Variants in UCK2 observed in about 807,000 individuals in gnomAD.
UCK2 encodes uridine-cytidine kinase 2, also known as cytidine monophosphokinase 2.
Under a neutral mutation model 30.8 loss-of-function variants are expected in UCK2, and 6 were observed. The observed-to-expected ratio is 0.19, with a 90% CI of 0.11 to 0.38. The LOEUF is 0.38. Among genes scored for constraint, UCK2 ranks in the 10% least tolerant of loss-of-function variants. UCK2 has a pLI of 1.00. For synonymous variants in UCK2, 125 were observed against 133.6 expected (o/e 0.94, Z 0.45); for missense variants, 210 against 339.8 (o/e 0.62, Z 3.00).
intron 1 of UCK2, among the ~76,000 whole-genome samples, chr1:165,857,430 C>T (rs766926792): frequency 2.6e-5 from 4 of 152,126 alleles, no homozygotes; most frequent in South Asian, 2.1e-4. Context: ...AGTGCAGTTG[C>T]GTAAGTGGCA....
Position 165,908,114 on chromosome 1 carries a change from T to C in UCK2, c.*291T>C. On this transcript the variant is annotated 3_prime_UTR_variant, in exon 7 of 7. Coordinates refer to ENST00000367879, the MANE Select transcript of UCK2 (RefSeq NM_012474.5). The stretch of plus-strand genomic sequence containing the variant: ...ACATATATATATAAAAAAGGATCTA[T>C]TTTTGTGTAAATGTACAAATACTGT... The C allele has an allele frequency of 4.2e-6, 1 of 240,322 alleles. No homozygotes were observed. The highest frequency in any genetic ancestry group is 8.1e-6 in the Non-Finnish European group (1 of 124,052). 14.9% of individuals were successfully genotyped at this position (240,322 alleles called of 1,614,324 possible). A position where few individuals can be genotyped will look rare whatever the true frequency, so the allele number is the denominator to read the frequency against.
chr1:165,895,355 A>G (rs1557848100), intron 3 of UCK2: 2 of 417,696 alleles, frequency 4.8e-6, no homozygotes, highest in Non-Finnish European at 6.4e-6. Flanking sequence ...TTGAGGCTGC[A>G]GTGAGTCCAA....
rs568794840 is a variant in UCK2, at chr1:165,840,468, A to G, written c.99+12536A>G. On this transcript the variant is annotated intron_variant, in intron 1 of 6. Coordinates refer to ENST00000367879, the MANE Select transcript of UCK2 (RefSeq NM_012474.5). ...TTGACCATAGTCAGCATGTGGTGCA[A>G]TCGATCCCTTGAACTTGTCCCTCCA... Among the ~76,000 whole-genome samples the G allele has an allele frequency of 2.0e-4, 31 of 152,310 alleles. 1 individual carries two copies. The highest frequency in any genetic ancestry group is 7.2e-4 in the African/African-American group (30 of 41,576).
intron 1 of UCK2, among the ~76,000 whole-genome samples, chr1:165,851,143 A>G (rs985383017): frequency 2.6e-5 from 4 of 151,774 alleles, no homozygotes; most frequent in African/African-American, 9.7e-5. Flanking sequence ...TCCCCCTGTT[A>G]TCTCTGTCTT....
intron 1 of UCK2, among the ~76,000 whole-genome samples, chr1:165,849,768 T>A (rs1341474628): frequency 6.6e-6 from 1 of 152,128 alleles, no homozygotes; most frequent in Non-Finnish European, 1.5e-5. Flanking sequence ...AGAAGCTCAT[T>A]TTAGGCAGGA....
At chr1:165,888,157 T>G (rs1655667575) in intron 1 of UCK2, among the ~76,000 whole-genome samples, 1 of 152,234 alleles carries the variant, frequency 6.6e-6, no homozygotes, top group Admixed American at 6.5e-5. Context: ...GAATTGTAAC[T>G]TTAAAAGATT....
chr1:165,838,319 C>T (rs1021983527), intron 1 of UCK2, among the ~76,000 whole-genome samples: 1 of 152,196 alleles, frequency 6.6e-6, no homozygotes, highest in Non-Finnish European at 1.5e-5. Context: ...CCTGCAGTGG[C>T]TTCCCATTTT....
chr1:165,838,575 T>G (rs16851444), intron 1 of UCK2, among the ~76,000 whole-genome samples: 14,623 of 152,220 alleles, frequency 0.096, 727 homozygotes, highest in Middle Eastern at 0.12. Flanking sequence ...CTTCTAATAC[T>G]AGTTTTAACA....
At chr1:165,904,949 A>G (rs1035242810) in intron 5 of UCK2, among the ~76,000 whole-genome samples, 1 of 152,266 alleles carries the variant, frequency 6.6e-6, no homozygotes. Context: ...AAATTGGGTA[A>G]TAATAGAACC....
At chr1:165,863,946 G>GT (rs1433023691) in intron 1 of UCK2, among the ~76,000 whole-genome samples, 2 of 152,198 alleles carry the variant, frequency 1.3e-5, no homozygotes, top group South Asian at 4.1e-4. Flanking sequence ...AAGTCATGTA[G>GT]TTTTTTAGTA....
chr1:165,855,199 A>T (rs556560456), intron 1 of UCK2, among the ~76,000 whole-genome samples: 1 of 152,336 alleles, frequency 6.6e-6, no homozygotes, highest in East Asian at 1.9e-4. Flanking sequence ...CTTTAGAATG[A>T]CATAGATTGT....
chr1:165,880,563 G>T (rs76624047), intron 1 of UCK2, among the ~76,000 whole-genome samples: 66 of 5,872 alleles, frequency 0.011, no homozygotes, highest in South Asian at 0.1. Context: ...AGTTTTTTTT[G>T]GGGGTGTGTG....
At chr1:165,849,827 A>G (rs1654544264) in intron 1 of UCK2, among the ~76,000 whole-genome samples, 1 of 152,124 alleles carries the variant, frequency 6.6e-6, no homozygotes, top group Non-Finnish European at 1.5e-5. Context: ...TGCTCAAGGT[A>G]GTTTTCTTTT....
chr1:165,896,095 C>T (rs1248956666), intron 3 of UCK2, 95 bp from the exon 4 acceptor site: 9 of 1,534,586 alleles, frequency 5.9e-6, no homozygotes, highest in Non-Finnish European at 8.0e-6. Context: ...GGCAAGGAAC[C>T]CAGAACCCAG....
intron 1 of UCK2, among the ~76,000 whole-genome samples, chr1:165,852,304 T>A (rs1654617904): frequency 6.6e-6 from 1 of 151,950 alleles, no homozygotes; most frequent in African/African-American, 2.4e-5. Context: ...TGGGAGAAAA[T>A]TTTTGCAATC....
At chr1:165,858,095 G>A (rs1272578778) in intron 1 of UCK2, among the ~76,000 whole-genome samples, 1 of 152,166 alleles carries the variant, frequency 6.6e-6, no homozygotes, top group South Asian at 2.1e-4. Context: ...AGTTCAGGAT[G>A]TATCAGTTGT....
At position 165,827,846 on chromosome 1, in the gene UCK2, A is replaced by T; in HGVS notation, c.13A>T (p.Ser5Cys). The T allele has an allele frequency of 6.8e-7, 1 of 1,463,948 alleles. No homozygotes were observed. 90.7% of individuals were successfully genotyped at this position (1,463,948 alleles called of 1,614,324 possible). A position where few individuals can be genotyped will look rare whatever the true frequency, so the allele number is the denominator to read the frequency against. ...GGCGGCGCGAACCATGGCCGGGGACAGCGAGCAGACCCTGCAGAACCACCA... is the reference window on the plus strand; with the variant it reads ...GGCGGCGCGAACCATGGCCGGGGACTGCGAGCAGACCCTGCAGAACCACCA... MAGDSEQTLQNHQQP... is the reference protein window; with the variant it reads MAGDCEQTLQNHQQP... Residue 5 changes from serine to cysteine, a missense_variant, in exon 1 of 7, where the codon AGC becomes TGC. Transcript: ENST00000367879.
At chr1:165,853,581 GTTC>G (rs1451245569) in intron 1 of UCK2, among the ~76,000 whole-genome samples, 6 of 151,340 alleles carry the variant, frequency 4.0e-5, no homozygotes, top group Non-Finnish European at 7.4e-5. Context: ...TCAGAGTTAA[GTTC>G]TTCTTCACCT....
chr1:165,841,701 T>C (rs755755137), intron 1 of UCK2, among the ~76,000 whole-genome samples: 4 of 152,200 alleles, frequency 2.6e-5, no homozygotes, highest in African/African-American at 7.2e-5. Context: ...TATGTTTAGG[T>C]CTGACTCATC....
Sources: allele counts gnomAD v4.1 joint callset (sites outside exome capture counted in the v4.1 genomes callset), GRCh38; gene constraint gnomAD v4.1.1; transcripts MANE v1.5; gene names NCBI Gene and HGNC (gene_info 2026-07-23, HGNC 2026-07-21).